Variants in GAD2 observed in about 807,000 individuals in gnomAD.
GAD2 encodes the protein 65 kDa glutamic acid decarboxylase.
Under a neutral mutation model 80.1 loss-of-function variants are expected in GAD2, and 22 were observed. The ratio of observed to expected loss-of-function variants is 0.27; its 90% CI spans 0.20 to 0.39. The LOEUF is 0.39. Among genes scored for constraint, GAD2 ranks in the 10% least tolerant of loss-of-function variants. The pLI is 1.00. For synonymous variants in GAD2, 274 were observed against 256.9 expected (o/e 1.07, Z -0.64); for missense variants, 624 against 738.4 (o/e 0.85, Z 1.80).
At chr10:26,265,978 G>C (rs890447482) in intron 8 of GAD2, among the ~76,000 whole-genome samples, 5 of 152,236 alleles carry the variant, frequency 3.3e-5, no homozygotes, top group Non-Finnish European at 7.3e-5. Flanking sequence ...GCACATATGA[G>C]AAGTACTTAG....
At chr10:26,280,625 T>C (rs1845260659) in intron 11 of GAD2, among the ~76,000 whole-genome samples, 1 of 152,128 alleles carries the variant, frequency 6.6e-6, no homozygotes, top group Non-Finnish European at 1.5e-5. Flanking sequence ...AGCTTGACTT[T>C]TCCCTTTAGC....
intron 6 of GAD2, 78 bp from the exon 7 acceptor site, chr10:26,229,584 T>C: frequency 1.0e-6 from 1 of 1,004,682 alleles, no homozygotes; most frequent in Non-Finnish European, 1.5e-6. Flanking sequence ...CTCAGGTCAG[T>C]GGAAATAAGG....
At chr10:26,222,683 A>C (rs778765159) in intron 4 of GAD2, among the ~76,000 whole-genome samples, 10 of 152,218 alleles carry the variant, frequency 6.6e-5, no homozygotes, top group Non-Finnish European at 1.3e-4. Context: ...GATCCCGCTA[A>C]AATGGGCTCC....
intron 8 of GAD2, among the ~76,000 whole-genome samples, chr10:26,268,760 A>G (rs975011848): frequency 2.0e-5 from 3 of 152,232 alleles, no homozygotes; most frequent in African/African-American, 7.2e-5. Flanking sequence ...GTTTGGAATA[A>G]AAAGGTTTCT....
At position 26,286,447 on chromosome 10, in the gene GAD2, G is replaced by A. The variant is rs376780859; in HGVS notation, c.1339G>A (p.Gly447Arg). ...CACTGGAGACAAGGCCTTACAGTGC[G>A]GACGCCACGTTGATGTTTTTAAACT... is the stretch of plus-strand genomic sequence containing the variant. ...YDTGDKALQCGRHVDVFKLWL... is the reference protein window; with the variant it reads ...YDTGDKALQCRRHVDVFKLWL... The change falls in exon 13 of 16, where the codon GGA (glycine) becomes AGA (arginine). Residue 447 changes from glycine to arginine, a missense_variant. Gly to Arg is a moderately radical substitution (Grantham distance 125). Transcript: ENST00000376261. The A allele has an allele frequency of 5.6e-6, 9 of 1,613,856 alleles. No individual in the cohort carries two copies. Among genetic ancestry groups the A allele is most frequent in the Non-Finnish European group, 7.6e-6 (9 of 1,179,900 alleles).
rs148010822 is a variant in GAD2 at position 26,285,673 on chromosome 10, C to T, written c.1237-672C>T. Among the ~76,000 whole-genome samples, 238 of 152,118 alleles carry T rather than the reference C, an allele frequency of 1.6e-3. 4 individuals are homozygous for T. The highest frequency in any genetic ancestry group is 5.5e-3 in the African/African-American group (228 of 41,516). Reference sequence around the variant, plus strand: ...TATCTATCTCAAGGAACTGAGTATGCGAATGCAGGACTGAAGCTCTGACCA... The same window carrying T: ...TATCTATCTCAAGGAACTGAGTATGTGAATGCAGGACTGAAGCTCTGACCA... On this transcript the variant is annotated intron_variant, in intron 12 of 15. Coordinates refer to ENST00000376261, the MANE Select transcript of GAD2 (RefSeq NM_001134366.2).
chr10:26,218,551 T>TCTCTCACACACACACACACA (rs748110324), intron 3 of GAD2, among the ~76,000 whole-genome samples: 5 of 118,860 alleles, frequency 4.2e-5, no homozygotes, highest in African/African-American at 9.3e-5. Context: ...TCTCTCTCTC[T>TCTCTCACACACACACACACA]CACACACACA....
chr10:26,265,895 C>A (rs1013462788), intron 8 of GAD2, among the ~76,000 whole-genome samples: 1 of 152,232 alleles, frequency 6.6e-6, no homozygotes, highest in Admixed American at 6.5e-5. Flanking sequence ...TATGGGCAGT[C>A]AGAGGATGGA....
intron 10 of GAD2, among the ~76,000 whole-genome samples, chr10:26,271,307 A>G (rs961579652): frequency 1.3e-5 from 2 of 152,206 alleles, no homozygotes; most frequent in African/African-American, 4.8e-5. Context: ...TTATATTTGA[A>G]ACGTTTTGAC....
At chr10:26,245,894 T>C (rs1468212372) in intron 7 of GAD2, 27 bp from the exon 8 acceptor site, 6 of 1,562,414 alleles carry the variant, frequency 3.8e-6, no homozygotes, top group African/African-American at 2.7e-5. Context: ...ATGGAACTAA[T>C]TGCAAATATA....
intron 7 of GAD2, among the ~76,000 whole-genome samples, chr10:26,230,023 A>T (rs965014375): frequency 7.3e-5 from 11 of 150,966 alleles, no homozygotes; most frequent in Non-Finnish European, 1.5e-4. Context: ...CAGAAAATTT[A>T]AAAAAAATTA....
chr10:26,295,460 C>T (rs886761756), intron 15 of GAD2, among the ~76,000 whole-genome samples: 51 of 150,266 alleles, frequency 3.4e-4, no homozygotes, highest in African/African-American at 1.2e-3. Flanking sequence ...TTAAGTGTGA[C>T]GCCCTTAAAG....
chr10:26,224,775 C>A (rs1844500487), intron 6 of GAD2, 124 bp downstream of exon 6: 1 of 666,538 alleles, frequency 1.5e-6, no homozygotes, highest in East Asian at 2.7e-5. Flanking sequence ...GTGTGTTGAT[C>A]AAAAGAATGA....
At chr10:26,220,631 C>A (rs926540843) in intron 4 of GAD2, among the ~76,000 whole-genome samples, 1 of 152,218 alleles carries the variant, frequency 6.6e-6, no homozygotes, top group African/African-American at 2.4e-5. Context: ...GCTTTTCCTG[C>A]ATTCATAGTG....
At chr10:26,229,533 T>G in intron 6 of GAD2, 129 bp from the exon 7 acceptor site, 1 of 655,416 alleles carries the variant, frequency 1.5e-6, no homozygotes, top group East Asian at 2.7e-5. Context: ...GGATTCAGTT[T>G]AAAGATAGTC....
chr10:26,298,081 A>G (rs1220911345), intron 15 of GAD2, among the ~76,000 whole-genome samples: 3 of 152,156 alleles, frequency 2.0e-5, no homozygotes, highest in Non-Finnish European at 2.9e-5. Flanking sequence ...ACCAGGAAAG[A>G]ATGTGTGTAA....
At chr10:26,273,605 C>T (rs768084227) in intron 10 of GAD2, 31 bp from the exon 11 acceptor site, 2 of 1,587,192 alleles carry the variant, frequency 1.3e-6, no homozygotes, top group Non-Finnish European at 1.7e-6. Context: ...TGACAAACTG[C>T]TACCATTTTC....
At chr10:26,233,157 G>C (rs1844626900) in intron 7 of GAD2, among the ~76,000 whole-genome samples, 1 of 152,204 alleles carries the variant, frequency 6.6e-6, no homozygotes, top group Non-Finnish European at 1.5e-5. Context: ...AAATTAGCTA[G>C]GTAGGTAGAG....
chr10:26,250,086 C>T (rs1057092116), intron 8 of GAD2, among the ~76,000 whole-genome samples: 3 of 151,822 alleles, frequency 2.0e-5, no homozygotes, highest in Non-Finnish European at 2.9e-5. Context: ...GTGCAGTAGC[C>T]CATTCCAGCC....
Sources: allele counts gnomAD v4.1 joint callset (sites outside exome capture counted in the v4.1 genomes callset), GRCh38; gene constraint gnomAD v4.1.1; transcripts MANE v1.5; gene names NCBI Gene and HGNC (gene_info 2026-07-23, HGNC 2026-07-21).